Variants in SLC35F3 observed in about 807,000 individuals in gnomAD.
The protein encoded by SLC35F3 is solute carrier family 35 member F3, also known as putative thiamine transporter SLC35F3.
SLC35F3 carries 25 observed loss-of-function variants against 49.9 expected under a neutral mutation model. That is an observed-to-expected ratio of 0.50 (90% CI 0.37 to 0.70). SLC35F3 has a LOEUF of 0.70. SLC35F3 is among the 30% of genes least tolerant of loss of function. The pLI is 0.00. For synonymous variants in SLC35F3, 275 were observed against 265.4 expected, an observed-to-expected ratio of 1.04 and a Z score of -0.35; for missense variants, 525 against 639.8, an observed-to-expected ratio of 0.82 and a Z score of 1.94.
At chr1:234,269,066 A>G (rs893636962) in intron 3 of SLC35F3, among the ~76,000 whole-genome samples, 6 of 152,224 alleles carry the variant, frequency 3.9e-5, no homozygotes, top group African/African-American at 1.4e-4. Context: ...CTTCAAAGTT[A>G]CTGAAAATGT....
chr1:233,912,034 ATGTT>A (rs906557073), intron 2 of SLC35F3, among the ~76,000 whole-genome samples: 23 of 152,158 alleles, frequency 1.5e-4, no homozygotes, highest in African/African-American at 5.3e-4. Context: ...TGCACCATTG[ATGTT>A]TGTTAAGCAT....
intron 2 of SLC35F3, among the ~76,000 whole-genome samples, chr1:234,158,943 C>T (rs1182332624): frequency 6.6e-6 from 1 of 152,060 alleles, no homozygotes; most frequent in African/African-American, 2.4e-5. Context: ...GTAGACCATA[C>T]TTTTATGAAA....
At chr1:233,975,915 G>A (rs1396769780) in intron 2 of SLC35F3, among the ~76,000 whole-genome samples, 1 of 152,212 alleles carries the variant, frequency 6.6e-6, no homozygotes, top group Admixed American at 6.5e-5. Flanking sequence ...TGACCCAGAG[G>A]TGTACACACG....
At chr1:233,951,444 C>A (rs1488336303) in intron 2 of SLC35F3, among the ~76,000 whole-genome samples, 2 of 151,846 alleles carry the variant, frequency 1.3e-5, no homozygotes, top group African/African-American at 4.8e-5. Flanking sequence ...TACAGGTGTA[C>A]CTTTCTTTAA....
intron 2 of SLC35F3, among the ~76,000 whole-genome samples, chr1:234,016,540 A>G (rs1183543975): frequency 6.6e-6 from 1 of 152,234 alleles, no homozygotes; most frequent in Non-Finnish European, 1.5e-5. Flanking sequence ...GAAATAAGCC[A>G]CACATGGAAA....
chr1:234,093,570 CAACA>C (rs1044923673), intron 2 of SLC35F3, among the ~76,000 whole-genome samples: 8 of 152,224 alleles, frequency 5.3e-5, no homozygotes, highest in African/African-American at 1.9e-4. Flanking sequence ...ACTGGACATG[CAACA>C]AACACTCACC....
At chr1:234,249,976 C>CGAGGGAGTATACAGTAT (rs1299198808) in intron 3 of SLC35F3, among the ~76,000 whole-genome samples, 1 of 152,054 alleles carries the variant, frequency 6.6e-6, no homozygotes, top group Admixed American at 6.6e-5. Context: ...CGGAACCCTC[C>CGAGGGAGTATACAGTAT]GAGGGAGTAT....
chr1:234,271,195 C>T (rs747030584), intron 3 of SLC35F3, among the ~76,000 whole-genome samples: 1 of 152,160 alleles, frequency 6.6e-6, no homozygotes, highest in East Asian at 1.9e-4. Flanking sequence ...ATGAGTCAGT[C>T]GAGTCCATTC....
intron 2 of SLC35F3, among the ~76,000 whole-genome samples, chr1:234,015,341 C>T (rs1427620936): frequency 8.4e-6 from 1 of 119,248 alleles, no homozygotes; most frequent in Non-Finnish European, 1.6e-5. Flanking sequence ...GAGCAAGACT[C>T]TATATCAAAA....
At chr1:234,135,446 A>G (rs898300339) in intron 2 of SLC35F3, among the ~76,000 whole-genome samples, 1 of 152,224 alleles carries the variant, frequency 6.6e-6, no homozygotes, top group Non-Finnish European at 1.5e-5. Context: ...TTAACTGGGC[A>G]CCTGCATTCA....
chr1:234,300,567 T>C (rs757660971), intron 3 of SLC35F3, among the ~76,000 whole-genome samples: 70 of 152,198 alleles, frequency 4.6e-4, no homozygotes, highest in Non-Finnish European at 5.4e-4. Context: ...AGTGAAGAAG[T>C]TGGACAATTA....
intron 2 of SLC35F3, among the ~76,000 whole-genome samples, chr1:234,034,497 G>T (rs903746303): frequency 2.8e-4 from 42 of 152,018 alleles, no homozygotes; most frequent in African/African-American, 9.7e-4. Context: ...GACGGCTTTT[G>T]TTTTTATTTA....
chr1:234,080,640 A>G (rs1664861333), intron 2 of SLC35F3, among the ~76,000 whole-genome samples: 2 of 152,232 alleles, frequency 1.3e-5, no homozygotes, highest in South Asian at 4.1e-4. Context: ...ACATTATGAT[A>G]AGTGAAAGAA....
intron 2 of SLC35F3, among the ~76,000 whole-genome samples, chr1:234,216,383 C>T (rs2102942731): frequency 6.6e-6 from 1 of 152,284 alleles, no homozygotes; most frequent in East Asian, 1.9e-4. Context: ...GGTGGGGCTA[C>T]CTGAACTGGG....
chr1:234,169,294 G>A (rs547182803), intron 2 of SLC35F3, among the ~76,000 whole-genome samples: 1 of 152,294 alleles, frequency 6.6e-6, no homozygotes, highest in South Asian at 2.1e-4. Context: ...CACCAGGAGT[G>A]TCTCACCAGC....
At chr1:234,261,040 T>C (rs1667896394) in intron 3 of SLC35F3, among the ~76,000 whole-genome samples, 1 of 152,098 alleles carries the variant, frequency 6.6e-6, no homozygotes, top group Non-Finnish European at 1.5e-5. Context: ...CCCTTAAAAA[T>C]GAAAATAATT....
chr1:233,927,275 G>A (rs1454948161), intron 2 of SLC35F3, among the ~76,000 whole-genome samples: 1 of 152,148 alleles, frequency 6.6e-6, no homozygotes, highest in Non-Finnish European at 1.5e-5. Flanking sequence ...ATGTTAAAGA[G>A]TTAGATTGCT....
intron 2 of SLC35F3, among the ~76,000 whole-genome samples, chr1:234,021,233 A>G (rs774953699): frequency 1.3e-5 from 2 of 152,162 alleles, no homozygotes; most frequent in Non-Finnish European, 2.9e-5. Context: ...GCAAATTGGT[A>G]CAGGTTGGTG....
Position 234,116,090 on chromosome 1 carries a change from A to C in SLC35F3, c.284-115327A>C, listed in dbSNP as rs546873649. 5.5e-4 allele frequency among the ~76,000 whole-genome samples: 84 copies of C among 152,350 alleles called. No homozygotes were observed. The South Asian group carries it at 0.017, about 31-fold the overall frequency. On this transcript the variant is annotated intron_variant, in intron 2 of 7. Transcript: ENST00000366618. ...CACATTTCATATGTGAAAGGAGGGC[A>C]TAAAGGAATAGTCAATTATGTATTT... is the stretch of plus-strand genomic sequence containing the variant.
Sources: gnomAD v4.1 joint callset for allele counts (sites outside exome capture counted in the v4.1 genomes callset) on GRCh38, gnomAD v4.1.1 for gene constraint, MANE v1.5 for transcripts, NCBI Gene and HGNC (gene_info 2026-07-23, HGNC 2026-07-21) for gene names.